The following ZNF37A variants were observed in gnomAD, a reference collection of about 807,000 sequenced individuals.
ZNF37A encodes zinc finger protein 37a (KOX 21).
ZNF37A carries 10 observed loss-of-function variants against 12.3 expected under a neutral mutation model. That is an observed-to-expected ratio of 0.82 (90% CI 0.50 to 1.38). ZNF37A has a LOEUF of 1.38. Ranked by LOEUF, ZNF37A falls within the 40% of genes most tolerant of loss-of-function variation. The probability of loss-of-function intolerance (pLI) is 0.00; values close to 1 mark genes in which losing one functional copy is unlikely to be tolerated. For synonymous variants in ZNF37A, 207 were observed against 223.0 expected, an observed-to-expected ratio of 0.93 and a Z score of 0.64; for missense variants, 580 against 651.2, an observed-to-expected ratio of 0.89 and a Z score of 1.19.
Position 38,124,344 on chromosome 10 carries a change from G to A in ZNF37A, c.*5507G>A, listed in dbSNP as rs1179717919. ...GGAAAGGCAGTGAGGGCATGGTGAG[G>A]GGGAAGTGGGGAATGTTAACGGGCA... is the stretch of plus-strand genomic sequence containing the variant. On this transcript the variant is annotated 3_prime_UTR_variant, in exon 8 of 8. Coordinates refer to ENST00000685332, the MANE Select transcript of ZNF37A (RefSeq NM_001324250.3). 6.6e-6 allele frequency: 1 copy of A among 152,164 alleles called. No individual in the cohort carries two copies. The highest frequency in any genetic ancestry group is 1.5e-5 in the Non-Finnish European group (1 of 68,010). 9.4% of individuals were successfully genotyped at this position (152,164 alleles called of 1,614,324 possible). A position where few individuals can be genotyped will look rare whatever the true frequency, so the allele number is the denominator to read the frequency against.
chr10:38,128,975 A>G (rs1164884700), downstream of ZNF37A, among the ~76,000 whole-genome samples: 3 of 152,010 alleles, frequency 2.0e-5, no homozygotes, highest in Non-Finnish European at 4.4e-5. Flanking sequence ...GCTGGTCTCG[A>G]ACTCCTGACC....
chr10:38,112,801 T>TCGG (rs879590645), intron 5 of ZNF37A, among the ~76,000 whole-genome samples: 1,031 of 68,694 alleles, frequency 0.015, 155 homozygotes, highest in Non-Finnish European at 0.019. Context: ...TTTTCTTGTC[T>TCGG]TGTCTTGTCT....
chr10:38,101,973 C>A (rs1472609579), intron 5 of ZNF37A, among the ~76,000 whole-genome samples: 1 of 151,812 alleles, frequency 6.6e-6, no homozygotes, highest in African/African-American at 2.4e-5. Flanking sequence ...CTGGTGCACA[C>A]CATGACACCT....
At chr10:38,096,706 T>C (rs1564908335) in intron 5 of ZNF37A, 74 bp downstream of exon 5, 5 of 1,445,656 alleles carry the variant, frequency 3.5e-6, no homozygotes, top group Non-Finnish European at 4.8e-6. Context: ...TACATTCATA[T>C]GAAAGTAGAA....
chr10:38,102,862 A>C (rs1426930991), intron 5 of ZNF37A, among the ~76,000 whole-genome samples: 1 of 152,124 alleles, frequency 6.6e-6, no homozygotes, highest in African/African-American at 2.4e-5. Context: ...GGTACTTTAA[A>C]GGTGCCATTA....
At chr10:38,115,006 T>C in intron 6 of ZNF37A, 125 bp downstream of exon 6, 1 of 1,364,368 alleles carries the variant, frequency 7.3e-7, no homozygotes, top group Non-Finnish European at 1.0e-6. Context: ...CAAGGACAAT[T>C]TATCCCTTTT....
intron 7 of ZNF37A, among the ~76,000 whole-genome samples, chr10:38,136,313 T>A (rs2070106797): frequency 6.6e-6 from 1 of 152,066 alleles, no homozygotes; most frequent in African/African-American, 2.4e-5. Context: ...CTGGCTAATT[T>A]TTTTGCATTT....
In ZNF37A at chr10:38,122,871, A is replaced by C. The variant is rs2069789258; in HGVS notation, c.*4034A>C. 2.0e-5 allele frequency: 3 copies of C among 152,356 alleles called. No individual in the cohort carries two copies. The highest frequency in any genetic ancestry group is 2.9e-5 in the Non-Finnish European group (2 of 68,028). The allele number at this position is 152,356 out of a possible 1,614,324, so 9.4% of individuals were successfully genotyped here. ...TTCTGCATTGCAAAGGAAATAACAA[A>C]GTGAAGAGACAACCCATAGAATGTG... On this transcript the variant is annotated 3_prime_UTR_variant, in exon 8 of 8. Transcript: ENST00000685332.
intron 5 of ZNF37A, among the ~76,000 whole-genome samples, chr10:38,101,349 A>ATT (rs35151327): frequency 6.9e-6 from 1 of 145,016 alleles, no homozygotes; most frequent in South Asian, 2.2e-4. Context: ...TTTTGAGTTA[A>ATT]TTTTTTTTTT....
intron 7 of ZNF37A, chr10:38,138,357 T>C (rs2070138493): frequency 6.6e-6 from 1 of 152,204 alleles, no homozygotes; most frequent in Admixed American, 6.5e-5. Flanking sequence ...TGAAAAACTT[T>C]AAATTTACCT....
chr10:38,131,609 C>A (rs1202636056), intron 7 of ZNF37A, among the ~76,000 whole-genome samples: 1 of 152,074 alleles, frequency 6.6e-6, no homozygotes, highest in Non-Finnish European at 1.5e-5. Context: ...AGGAGTACCC[C>A]AAATTTATTC....
rs558038216 is a variant in ZNF37A at position 38,113,096 on chromosome 10, G to A, written c.16-1659G>A. ...GCTGGGATTACAGGCATGAGCCACC[G>A]CACCTGGCCCATTTTGTTTTCTAGT... On this transcript the variant is annotated intron_variant, in intron 5 of 7. Transcript: ENST00000685332. Among the ~76,000 whole-genome samples the A allele has an allele frequency of 1.1e-4, 16 of 151,786 alleles. 1 individual carries two copies. In the South Asian group the frequency reaches 2.1e-3, roughly 20 times the overall value.
chr10:38,101,055 G>A (rs2067525594), intron 5 of ZNF37A, among the ~76,000 whole-genome samples: 1 of 152,102 alleles, frequency 6.6e-6, no homozygotes, highest in South Asian at 2.1e-4. Flanking sequence ...TTTGTTTTGA[G>A]TTGTAGGGGT....
chr10:38,135,717 G>A (rs767875075), intron 7 of ZNF37A, among the ~76,000 whole-genome samples: 2 of 152,232 alleles, frequency 1.3e-5, no homozygotes, highest in Non-Finnish European at 2.9e-5. Context: ...AATCATGACA[G>A]AAGGCACCTC....
chr10:38,117,468 A>G lies in ZNF37A; in HGVS notation c.317A>G (p.Glu106Gly), dbSNP rs761525083. 2 of 1,609,738 alleles carry G rather than the reference A, an allele frequency of 1.2e-6. No homozygotes were observed. Among genetic ancestry groups the G allele is most frequent in the Admixed American group, 1.7e-5 (1 of 59,034 alleles). The change falls in exon 8 of 8, where the codon GAA becomes GGA. Residue 106 changes from glutamate to glycine, a missense_variant. Coordinates refer to ENST00000685332, the MANE Select transcript of ZNF37A (RefSeq NM_001324250.3). Reference protein sequence around the residue: ...FNKGGKCFCDEKHEIIHSEEE... With the variant: ...FNKGGKCFCDGKHEIIHSEEE... ...AAAGGTGGAAAATGTTTCTGTGATG[A>G]AAAGCATGAAATAATTCATTCTGAA...
chr10:38,138,536 A>G lies in ZNF37A; in HGVS notation c.239-8196A>G, dbSNP rs545658608. ...CTTATGAAACAAGCTTTACATATGT[A>G]TATGCATACATATATGTTTAAAACT... On this transcript the variant is annotated intron_variant, in intron 7 of 7. Transcript: ENST00000638053. The G allele has an allele frequency of 2.6e-5, 4 of 152,348 alleles. No homozygotes were observed. The South Asian group carries it at 6.2e-4, about 24-fold the overall frequency. The allele number at this position is 152,348 out of a possible 1,614,324, so 9.4% of individuals were successfully genotyped here.
chr10:38,128,523 G>A (rs2069961194), downstream of ZNF37A, among the ~76,000 whole-genome samples: 1 of 152,016 alleles, frequency 6.6e-6, no homozygotes, highest in South Asian at 2.1e-4. Flanking sequence ...AAAAGTTTGA[G>A]TTTTATCTTT....
At chr10:38,115,110 TGTGTGTA>T in intron 6 of ZNF37A, 78 bp from the exon 7 acceptor site, 1 of 1,080,700 alleles carries the variant, frequency 9.3e-7, no homozygotes, top group Non-Finnish European at 1.4e-6. Context: ...TGTGTGTGTG[TGTGTGTA>T]CTGTTTGGGG....
chr10:38,135,541 A>G (rs1406380639), intron 7 of ZNF37A, among the ~76,000 whole-genome samples: 1 of 152,246 alleles, frequency 6.6e-6, no homozygotes, highest in Non-Finnish European at 1.5e-5. Context: ...AGAAAGTTAG[A>G]TTACAAACCA....
Sources: allele counts gnomAD v4.1 joint callset (sites outside exome capture counted in the v4.1 genomes callset), GRCh38; gene constraint gnomAD v4.1.1; transcripts MANE v1.5; gene names NCBI Gene and HGNC (gene_info 2026-07-23, HGNC 2026-07-21).